The following TRDN variants were observed in gnomAD, a reference collection of about 807,000 sequenced individuals.
TRDN encodes the protein triadin in skeletal muscle.
A neutral mutation model predicts 149.7 loss-of-function variants in TRDN; 161 were observed. The ratio of observed to expected loss-of-function variants is 1.08; its 90% confidence interval spans 0.95 to 1.23. The LOEUF (loss-of-function observed/expected upper bound fraction) is 1.23. TRDN is among the 50% of genes most tolerant of loss of function. TRDN has a pLI of 0.00. For missense variants in TRDN, 896 were observed against 823.5 expected, an observed-to-expected ratio of 1.09 and a Z score of -1.08; for synonymous variants, 294 against 250.5, an observed-to-expected ratio of 1.17 and a Z score of -1.64.
chr6:123,420,252 C>G (rs1043658850), intron 12 of TRDN, among the ~76,000 whole-genome samples: 19 of 152,038 alleles, frequency 1.2e-4, no homozygotes, highest in Admixed American at 1.3e-4. Context: ...TGTAAGAAAA[C>G]AAATGACTTT....
intron 12 of TRDN, among the ~76,000 whole-genome samples, chr6:123,408,893 T>A (rs2114506935): frequency 6.6e-6 from 1 of 152,142 alleles, no homozygotes; most frequent in African/African-American, 2.4e-5. Context: ...TAGATGCTCT[T>A]CTCCACAAAA....
intron 9 of TRDN, among the ~76,000 whole-genome samples, chr6:123,466,391 T>A (rs1440123828): frequency 2.0e-5 from 3 of 152,164 alleles, no homozygotes; most frequent in African/African-American, 7.2e-5. Context: ...GGGATGTGCA[T>A]ATTAGTCTCA....
chr6:123,315,650 A>G (rs1288268927), intron 24 of TRDN, among the ~76,000 whole-genome samples: 1 of 151,970 alleles, frequency 6.6e-6, no homozygotes, highest in Non-Finnish European at 1.5e-5. Flanking sequence ...ATAGATATAG[A>G]TACAACTTTC....
At chr6:123,425,442 T>C (rs1372764725) in intron 12 of TRDN, among the ~76,000 whole-genome samples, 2 of 152,030 alleles carry the variant, frequency 1.3e-5, no homozygotes, top group Non-Finnish European at 2.9e-5. Context: ...TTGAGAGTCA[T>C]TATTATAAGA....
chr6:123,359,350 G>C (rs758231793), intron 20 of TRDN, among the ~76,000 whole-genome samples: 1 of 152,110 alleles, frequency 6.6e-6, no homozygotes, highest in Non-Finnish European at 1.5e-5. Flanking sequence ...CCAGTTCTTG[G>C]GGCACTCTAT....
intron 7 of TRDN, among the ~76,000 whole-genome samples, chr6:123,506,756 T>C (rs1257681570): frequency 6.6e-6 from 1 of 152,168 alleles, no homozygotes; most frequent in Non-Finnish European, 1.5e-5. Context: ...CCCAAAGTGC[T>C]GGGATTAAAT....
chr6:123,278,216 T>G (rs1777445773), intron 26 of TRDN, 102 bp downstream of exon 26: 2 of 819,118 alleles, frequency 2.4e-6, no homozygotes, highest in Non-Finnish European at 3.4e-6. Flanking sequence ...AGGATAAAAT[T>G]TGATAAAATA....
At chr6:123,442,406 C>A (rs960792751) in intron 10 of TRDN, 1 of 140,076 alleles carries the variant, frequency 7.1e-6, no homozygotes, top group African/African-American at 3.0e-5. Flanking sequence ...ATTAGCCGGG[C>A]GTGATGGTGG....
rs958026583 is a variant in TRDN, at chr6:123,255,994, G to C, written c.1871-92C>G. On this transcript the variant is annotated intron_variant, in intron 35 of 40. Transcript: ENST00000334268. ...TGGGATACATGTGCAGAACATGCAG[G>C]TTTGTTACATAGGTATACATGTGTC... The C allele has an allele frequency of 4.2e-6, 3 of 709,484 alleles. No homozygotes were observed. The African/African-American group carries it at 5.6e-5, about 13-fold the overall frequency. The allele number at this position is 709,484 out of a possible 1,614,324, so 43.9% of individuals were successfully genotyped here.
intron 1 of TRDN, among the ~76,000 whole-genome samples, chr6:123,629,139 C>G (rs1026058629): frequency 1.2e-4 from 19 of 152,172 alleles, no homozygotes; most frequent in African/African-American, 4.6e-4. Flanking sequence ...CTTCATATCT[C>G]TTATTTTTGT....
intron 4 of TRDN, among the ~76,000 whole-genome samples, chr6:123,546,889 T>TC (rs569962353): frequency 1.2e-3 from 178 of 152,168 alleles, no homozygotes; most frequent in Non-Finnish European, 2.2e-3. Flanking sequence ...GGCTGTTATG[T>TC]CCCTCACCGT....
intron 12 of TRDN, among the ~76,000 whole-genome samples, chr6:123,416,748 C>T (rs1490940147): frequency 6.8e-6 from 1 of 148,112 alleles, no homozygotes; most frequent in African/African-American, 2.5e-5. Context: ...TGCACTCAGG[C>T]TGGAGTGCAG....
chr6:123,430,576 G>A (rs748600670), intron 12 of TRDN, among the ~76,000 whole-genome samples: 6 of 151,894 alleles, frequency 4.0e-5, no homozygotes, highest in East Asian at 3.9e-4. Context: ...GCAAGACTCT[G>A]TCTCAAAAAA....
intron 21 of TRDN, among the ~76,000 whole-genome samples, chr6:123,342,508 C>T (rs950186072): frequency 3.3e-5 from 5 of 151,770 alleles, no homozygotes; most frequent in African/African-American, 4.8e-5. Flanking sequence ...CCTGTATCCA[C>T]GTATAATGAT....
chr6:123,597,794 A>G (rs1365551676), intron 1 of TRDN, among the ~76,000 whole-genome samples: 1 of 152,114 alleles, frequency 6.6e-6, no homozygotes, highest in East Asian at 1.9e-4. Context: ...TTTTAGACAT[A>G]ATGTAATTAT....
At chr6:123,301,442 A>G (rs1982036) in intron 24 of TRDN, among the ~76,000 whole-genome samples, 28,580 of 151,658 alleles carry the variant, frequency 0.19, 3,588 homozygotes, top group East Asian at 0.66. Context: ...TGAACATCCA[A>G]TTGATCTTTG....
chr6:123,468,955 T>C (rs963313524), intron 9 of TRDN: 6 of 152,142 alleles, frequency 3.9e-5, no homozygotes, highest in Admixed American at 1.3e-4. Context: ...AAGTAACCAT[T>C]GAGTTAAAAT....
chr6:123,557,803 AC>A (rs910533655), intron 2 of TRDN, among the ~76,000 whole-genome samples: 46 of 140,802 alleles, frequency 3.3e-4, no homozygotes, highest in East Asian at 2.6e-3. Context: ...GGGGGCAAGC[AC>A]CCCCCCCACC....
chr6:123,350,618 A>G (rs1780426565), intron 21 of TRDN: 1 of 749,516 alleles, frequency 1.3e-6, no homozygotes. Context: ...TTACTTTATT[A>G]AAAGCACAAA....
Sources: gnomAD v4.1 joint callset for allele counts (sites outside exome capture counted in the v4.1 genomes callset) on GRCh38, gnomAD v4.1.1 for gene constraint, MANE v1.5 for transcripts, NCBI Gene and HGNC (gene_info 2026-07-23, HGNC 2026-07-21) for gene names.